SLC4A10: variants seen among roughly 807,000 people sequenced by gnomAD.
SLC4A10 encodes the protein sodium-driven chloride bicarbonate exchanger.
In SLC4A10, 42 loss-of-function variants were observed where a neutral mutation model predicts 137.7. The observed-to-expected ratio is 0.30, with a 90% CI of 0.24 to 0.39. The LOEUF (loss-of-function observed/expected upper bound fraction) is 0.39, where lower values mean the gene tolerates loss of function less well. SLC4A10 is among the 10% of genes least tolerant of loss of function. SLC4A10 has a pLI of 1.00. For missense variants in SLC4A10, 925 were observed against 1,355.0 expected (o/e 0.68, Z 4.98); for synonymous variants, 474 against 464.1 (o/e 1.02, Z -0.27).
intron 1 of SLC4A10, among the ~76,000 whole-genome samples, chr2:161,669,552 G>T (rs1303610448): frequency 6.6e-6 from 1 of 151,830 alleles, no homozygotes; most frequent in Admixed American, 6.6e-5. Context: ...TATATAAATT[G>T]CTAATGTGAG....
intron 1 of SLC4A10, among the ~76,000 whole-genome samples, chr2:161,763,304 T>G (rs1297191260): frequency 6.6e-6 from 1 of 152,058 alleles, no homozygotes; most frequent in African/African-American, 2.4e-5. Context: ...TTTGGAGCCA[T>G]GGAGTTTTAG....
At chr2:161,844,587 T>C (rs2125812332) in intron 4 of SLC4A10, among the ~76,000 whole-genome samples, 1 of 152,248 alleles carries the variant, frequency 6.6e-6, no homozygotes, top group African/African-American at 2.4e-5. Flanking sequence ...CTTACTCTTT[T>C]TTTGTTTGGG....
chr2:161,952,702 G>A (rs1384770388), intron 19 of SLC4A10, among the ~76,000 whole-genome samples: 1 of 152,096 alleles, frequency 6.6e-6, no homozygotes, highest in African/African-American at 2.4e-5. Context: ...CTCCTTCTTA[G>A]ATATGAATAC....
At chr2:161,908,989 C>G (rs1346210545) in intron 15 of SLC4A10, among the ~76,000 whole-genome samples, 2 of 146,408 alleles carry the variant, frequency 1.4e-5, no homozygotes, top group Non-Finnish European at 3.0e-5. Context: ...CCCTGTCTGT[C>G]ATGGTGATCA....
At chr2:161,760,049 G>A (rs552979838) in intron 1 of SLC4A10, among the ~76,000 whole-genome samples, 1 of 151,868 alleles carries the variant, frequency 6.6e-6, no homozygotes, top group Non-Finnish European at 1.5e-5. Context: ...CAAATAATGT[G>A]TGTGGGCATG....
At chr2:161,902,995 A>G (rs76251454) in intron 12 of SLC4A10, among the ~76,000 whole-genome samples, 2,290 of 152,296 alleles carry the variant, frequency 0.015, 55 homozygotes, top group African/African-American at 0.052. Context: ...GAACTTATTC[A>G]TAGTCTTATT....
At chr2:161,706,608 G>C (rs182334240) in intron 1 of SLC4A10, among the ~76,000 whole-genome samples, 29 of 151,560 alleles carry the variant, frequency 1.9e-4, no homozygotes, top group Middle Eastern at 6.8e-3. Flanking sequence ...TAGAGTAGCC[G>C]GGATATTTTA....
intron 1 of SLC4A10, among the ~76,000 whole-genome samples, chr2:161,661,728 T>G (rs56182217): frequency 6.6e-6 from 1 of 152,202 alleles, no homozygotes; most frequent in Non-Finnish European, 1.5e-5. Flanking sequence ...TTCTATTTGT[T>G]GGCTTCATTC....
At chr2:161,868,670 T>C (rs1249854896) in intron 6 of SLC4A10, among the ~76,000 whole-genome samples, 1 of 151,662 alleles carries the variant, frequency 6.6e-6, no homozygotes, top group Non-Finnish European at 1.5e-5. Flanking sequence ...AAATTTTGAT[T>C]TAAGGTGAAG....
At chr2:161,843,746 C>T (rs1454014885) in intron 4 of SLC4A10, among the ~76,000 whole-genome samples, 2 of 152,110 alleles carry the variant, frequency 1.3e-5, no homozygotes, top group Non-Finnish European at 2.9e-5. Flanking sequence ...CCATTTAAAG[C>T]ACTTCTTTCT....
At chr2:161,708,558 G>C in intron 1 of SLC4A10, 1 of 859,868 alleles carries the variant, frequency 1.2e-6, no homozygotes, top group Non-Finnish European at 1.7e-6. Context: ...AAATACAACT[G>C]TGTCAGTCTC....
Position 161,985,140 on chromosome 2 carries a change from T to C in SLC4A10, c.*1988T>C, listed in dbSNP as rs1331513828. On this transcript the variant is annotated 3_prime_UTR_variant, in exon 27 of 27. Coordinates refer to ENST00000446997, the MANE Select transcript of SLC4A10 (RefSeq NM_001178015.2). ...ATTTCAGATTCCTGGTCAAAATTAC[T>C]AAATATCTTGAATGTAATTTAGTGC... The C allele has an allele frequency of 1.3e-5, 2 of 152,102 alleles. No individual in the cohort carries two copies. The highest frequency in any genetic ancestry group is 2.9e-5 in the Non-Finnish European group (2 of 67,946). 9.4% of individuals were successfully genotyped at this position (152,102 alleles called of 1,614,324 possible).
chr2:161,870,832 T>A (rs2061072849), intron 6 of SLC4A10, among the ~76,000 whole-genome samples: 1 of 151,864 alleles, frequency 6.6e-6, no homozygotes, highest in Non-Finnish European at 1.5e-5. Flanking sequence ...TGAACATGGT[T>A]TGAGGTGAAC....
intron 1 of SLC4A10, among the ~76,000 whole-genome samples, chr2:161,655,869 C>T (rs1043582020): frequency 1.3e-5 from 2 of 149,756 alleles, no homozygotes; most frequent in Non-Finnish European, 3.0e-5. Flanking sequence ...GGCTGGAGTG[C>T]AGTGTATGAT....
intron 1 of SLC4A10, among the ~76,000 whole-genome samples, chr2:161,693,284 T>A (rs2042176218): frequency 6.6e-6 from 1 of 152,158 alleles, no homozygotes; most frequent in South Asian, 2.1e-4. Context: ...CCAGAACTAC[T>A]GTTTATTTTA....
At chr2:161,950,267 A>G (rs1694569318) in intron 18 of SLC4A10, among the ~76,000 whole-genome samples, 1 of 152,142 alleles carries the variant, frequency 6.6e-6, no homozygotes, top group African/African-American at 2.4e-5. Flanking sequence ...TCAATGTGTC[A>G]ATATGCTATT....
chr2:161,800,135 T>C (rs1319481970), intron 2 of SLC4A10, among the ~76,000 whole-genome samples: 2 of 152,038 alleles, frequency 1.3e-5, no homozygotes, highest in African/African-American at 4.8e-5. Context: ...CTCTGTCTAT[T>C]CAGTCCACCT....
At chr2:161,815,783 C>A (rs2056999351) in intron 3 of SLC4A10, among the ~76,000 whole-genome samples, 1 of 152,080 alleles carries the variant, frequency 6.6e-6, no homozygotes, top group Non-Finnish European at 1.5e-5. Context: ...GAATCAGATT[C>A]TGAGAAGCTT....
chr2:161,770,385 G>C (rs1411004560), intron 1 of SLC4A10, among the ~76,000 whole-genome samples: 1 of 151,804 alleles, frequency 6.6e-6, no homozygotes, highest in Admixed American at 6.6e-5. Context: ...CAAAAATATA[G>C]AGAGACACTA....
Sources: gnomAD v4.1 joint callset for allele counts (sites outside exome capture counted in the v4.1 genomes callset) on GRCh38, gnomAD v4.1.1 for gene constraint, MANE v1.5 for transcripts, NCBI Gene and HGNC (gene_info 2026-07-23, HGNC 2026-07-21) for gene names.